TENM3: variants seen among roughly 807,000 people sequenced by gnomAD.
The protein encoded by TENM3 is teneurin-3.
Under a neutral mutation model 255.1 loss-of-function variants are expected in TENM3, and 63 were observed. That is an observed-to-expected ratio of 0.25 (90% CI 0.20 to 0.30). The LOEUF (loss-of-function observed/expected upper bound fraction) is 0.30. Ranked by LOEUF, TENM3 falls within the 10% of genes least tolerant of loss-of-function variation. The pLI is 1.00. For synonymous variants in TENM3, 1,306 were observed against 1,322.3 expected, an observed-to-expected ratio of 0.99 and a Z score of 0.27; for missense variants, 2,929 against 3,461.1, an observed-to-expected ratio of 0.85 and a Z score of 3.86.
chr4:181,894,881 C>T, the TENM3 span, among the ~76,000 whole-genome samples: 1 of 152,136 alleles, frequency 6.6e-6, no homozygotes, highest in Non-Finnish European at 1.5e-5. Flanking sequence ...CATATTTATG[C>T]ACACAGTGTG....
chr4:182,167,257 G>A (rs1751781651), intron 1 of TENM3, among the ~76,000 whole-genome samples: 1 of 152,170 alleles, frequency 6.6e-6, no homozygotes, highest in African/African-American at 2.4e-5. Flanking sequence ...TGTACAAAAT[G>A]AAGACATTTA....
Position 182,799,753 on chromosome 4 carries a change from T to A in TENM3, c.7502T>A (p.Met2501Lys), listed in dbSNP as rs1455031429. The A allele has an allele frequency of 3.2e-6, 5 of 1,570,954 alleles. No individual in the cohort carries two copies. Among genetic ancestry groups the A allele is most frequent in the Non-Finnish European group, 4.3e-6 (5 of 1,159,354 alleles). ...AAGTCGCTGATCGGCAAGGGCGTCA[T>A]GCTGGCCGTCAGCCAGGGCCGCGTG... Reference protein sequence around the residue: ...TVKSLIGKGVMLAVSQGRVQT... With the variant: ...TVKSLIGKGVKLAVSQGRVQT... The change falls in exon 28 of 28, where the codon ATG becomes AAG. Residue 2501 changes from methionine to lysine, a missense_variant. Physicochemically the swap from Met to Lys is moderately conservative, Grantham distance 95. Around this residue, in one of 6 missense-constraint regions of TENM3, gnomAD observed 476 missense variants for 480.1 expected, o/e 0.99. Coordinates refer to ENST00000511685, the MANE Select transcript of TENM3 (RefSeq NM_001080477.4). The surrounding 1 kb of genome is among the most constrained non-coding windows in gnomAD (Gnocchi z 4.2).
chr4:182,123,799 C>T, the TENM3 span, among the ~76,000 whole-genome samples: 1 of 152,194 alleles, frequency 6.6e-6, no homozygotes, highest in Non-Finnish European at 1.5e-5. Context: ...AGGGTTACCA[C>T]AAACCTTCAA....
At chr4:182,405,953 C>G (rs569514778) in intron 3 of TENM3, among the ~76,000 whole-genome samples, 1 of 152,070 alleles carries the variant, frequency 6.6e-6, no homozygotes, top group South Asian at 2.1e-4. Flanking sequence ...TGCTGGTGTG[C>G]GACAGTGGCA....
At chr4:182,730,815 G>T (rs970316264) in intron 15 of TENM3, 63 bp from the exon 16 acceptor site, 1 of 1,553,098 alleles carries the variant, frequency 6.4e-7, no homozygotes, top group Admixed American at 1.8e-5. Context: ...AACTTAAGGA[G>T]GTGTGTATTG....
At chr4:181,811,850 A>G in the TENM3 span, among the ~76,000 whole-genome samples, 7 of 152,124 alleles carry the variant, frequency 4.6e-5, no homozygotes, top group Non-Finnish European at 5.9e-5. Flanking sequence ...CACAGAGCCA[A>G]ACCACAACAC....
At chr4:182,699,381 T>C (rs994145527) in intron 12 of TENM3, among the ~76,000 whole-genome samples, 1 of 152,234 alleles carries the variant, frequency 6.6e-6, no homozygotes, top group African/African-American at 2.4e-5. Context: ...CAAACCCGAT[T>C]CCTTCCTTTC....
Position 182,792,137 on chromosome 4 carries a change from C to T in TENM3, c.5602-137C>T, listed in dbSNP as rs940896658. On this transcript the variant is annotated intron_variant, in intron 25 of 27. Transcript: ENST00000511685. This position sits in a 1 kb window ranked among gnomAD's most constrained non-coding sequence, Gnocchi z 6.3. ...ATTAGGCAGAGAAACGTTAACAACA[C>T]GCAAGGTCAAGGATAACTCAATTAA... is the stretch of plus-strand genomic sequence containing the variant. 5.7e-5 allele frequency: 48 copies of T among 849,518 alleles called. No homozygotes were observed. Among genetic ancestry groups the T allele is most frequent in the East Asian group, 4.6e-4 (18 of 39,158 alleles). 52.6% of individuals were successfully genotyped at this position (849,518 alleles called of 1,614,324 possible).
At chr4:181,665,088 A>G in the TENM3 span, among the ~76,000 whole-genome samples, 11 of 152,210 alleles carry the variant, frequency 7.2e-5, no homozygotes, top group East Asian at 1.7e-3. Flanking sequence ...ATGAAGCTGC[A>G]CCTCACAATG....
chr4:181,885,480 T>C, the TENM3 span, among the ~76,000 whole-genome samples: 1 of 152,068 alleles, frequency 6.6e-6, no homozygotes, highest in Admixed American at 6.5e-5. Flanking sequence ...CCAGGATGGT[T>C]TTAATCTCTT....
chr4:181,724,999 G>C, the TENM3 span, among the ~76,000 whole-genome samples: 1 of 152,186 alleles, frequency 6.6e-6, no homozygotes, highest in Non-Finnish European at 1.5e-5. Context: ...TTTGGTGAAA[G>C]GTAACTGTAC....
chr4:181,888,520 A>ATATATATATATATATGTGTG, the TENM3 span, among the ~76,000 whole-genome samples: 2 of 92,210 alleles, frequency 2.2e-5, no homozygotes, highest in African/African-American at 1.1e-4. Flanking sequence ...ATATATGTAT[A>ATATATATATATATATGTGTG]TATATACATA....
rs145109971 is a variant in TENM3, at chr4:182,225,073, A to G, written c.-76+80319A>G. Among the ~76,000 whole-genome samples, 34 of 151,908 alleles carry G rather than the reference A, an allele frequency of 2.2e-4. No individual in the cohort carries two copies. The East Asian group carries it at 6.2e-3, about 28-fold the overall frequency. On this transcript the variant is annotated intron_variant, in intron 1 of 2. Coordinates refer to the TENM3 transcript ENST00000512480. ...ACCAGTTTTGAGACCATGGCAAGTT[A>G]TTTCACCCCCTATCCTGGCTTTTTT...
At chr4:181,803,100 C>G in the TENM3 span, among the ~76,000 whole-genome samples, 1 of 152,078 alleles carries the variant, frequency 6.6e-6, no homozygotes, top group Admixed American at 6.6e-5. Flanking sequence ...ATTTCTATTA[C>G]TAAAATTGAT....
At chr4:182,504,120 A>G (rs1736585676) in intron 3 of TENM3, among the ~76,000 whole-genome samples, 3 of 151,954 alleles carry the variant, frequency 2.0e-5, no homozygotes, top group African/African-American at 7.2e-5. Flanking sequence ...AGTACCCAGA[A>G]TAGTGCCTGA....
chr4:181,681,364 A>G, the TENM3 span, among the ~76,000 whole-genome samples: 2 of 152,224 alleles, frequency 1.3e-5, no homozygotes, highest in South Asian at 2.1e-4. Flanking sequence ...TTATGCTCAC[A>G]GGCAGGTGTA....
the TENM3 span, among the ~76,000 whole-genome samples, chr4:181,921,745 G>T: frequency 5.9e-5 from 9 of 151,930 alleles, no homozygotes; most frequent in Non-Finnish European, 1.3e-4. Flanking sequence ...CTGACTAATT[G>T]CCCTGGCCAG....
At chr4:182,512,685 T>C (rs1737536980) in intron 3 of TENM3, among the ~76,000 whole-genome samples, 1 of 152,196 alleles carries the variant, frequency 6.6e-6, no homozygotes, top group Non-Finnish European at 1.5e-5. Context: ...TAAGAGCATA[T>C]TGGGAGTGAT....
At chr4:181,709,293 G>A in the TENM3 span, among the ~76,000 whole-genome samples, 2 of 152,182 alleles carry the variant, frequency 1.3e-5, no homozygotes, top group Non-Finnish European at 2.9e-5. Flanking sequence ...CTGCTACACA[G>A]TAGGACACAG....
Sources: gnomAD v4.1 joint callset for allele counts (sites outside exome capture counted in the v4.1 genomes callset) on GRCh38, gnomAD v4.1.1 for gene constraint, gnomAD v4.1.1 regional missense constraint, Gnocchi (gnomAD v3.1) non-coding constraint, MANE v1.5 for transcripts, NCBI Gene and HGNC (gene_info 2026-07-23, HGNC 2026-07-21) for gene names.